Variants in FNDC3B observed in about 807,000 individuals in gnomAD.
FNDC3B encodes the protein fibronectin type III domain containing 3B, also known as fibronectin type III domain-containing protein 3B.
FNDC3B carries 12 observed loss-of-function variants against 151.5 expected under a neutral mutation model. The observed-to-expected ratio is 0.08, with a 90% CI of 0.05 to 0.13. The LOEUF (loss-of-function observed/expected upper bound fraction) is 0.13, where lower values mean the gene tolerates loss of function less well. Ranked by LOEUF, FNDC3B falls within the 10% of genes least tolerant of loss-of-function variation. The pLI is 1.00. For missense variants in FNDC3B, 1,214 were observed against 1,505.3 expected (o/e 0.81, Z 3.20); for synonymous variants, 528 against 549.0 (o/e 0.96, Z 0.54).
At chr3:172,357,586 T>C (rs896651812) in intron 22 of FNDC3B, among the ~76,000 whole-genome samples, 2 of 152,194 alleles carry the variant, frequency 1.3e-5, no homozygotes, top group African/African-American at 2.4e-5. Flanking sequence ...GGAAATTATT[T>C]TCCCATACTG....
At chr3:172,167,969 A>T (rs751515220) in intron 3 of FNDC3B, among the ~76,000 whole-genome samples, 1 of 152,166 alleles carries the variant, frequency 6.6e-6, no homozygotes, top group African/African-American at 2.4e-5. Flanking sequence ...CTGTTGTGAG[A>T]TCATTTCGAG....
In FNDC3B at chr3:172,228,425, T is replaced by C. The variant is rs551562127; in HGVS notation, c.264+1478T>C. 2.6e-5 allele frequency among the ~76,000 whole-genome samples: 4 copies of C among 152,316 alleles called. No individual in the cohort carries two copies. In the East Asian group the frequency reaches 5.8e-4, roughly 22 times the overall value. ...TTATGCTAAAGGTCCATTTAAGAAA[T>C]ACCAGTTAAAAATTGAACATTTCTA... On this transcript the variant is annotated intron_variant, in intron 4 of 25. Coordinates refer to ENST00000415807, the MANE Select transcript of FNDC3B (RefSeq NM_022763.4).
At chr3:172,328,909 T>G in intron 11 of FNDC3B, 43 bp from the exon 12 acceptor site, 3 of 1,476,100 alleles carry the variant, frequency 2.0e-6, no homozygotes, top group Non-Finnish European at 2.7e-6. Context: ...TCTGTTGTTT[T>G]TTTTTTTTTA....
At chr3:172,308,512 T>C (rs1030004802) in intron 10 of FNDC3B, among the ~76,000 whole-genome samples, 2 of 152,236 alleles carry the variant, frequency 1.3e-5, no homozygotes, top group African/African-American at 2.4e-5. Context: ...AGAAATATTT[T>C]ATCTTTTCAT....
At chr3:172,086,837 T>A (rs1224555873) in intron 1 of FNDC3B, among the ~76,000 whole-genome samples, 1 of 152,250 alleles carries the variant, frequency 6.6e-6, no homozygotes, top group African/African-American at 2.4e-5. Flanking sequence ...AACTTCTAGC[T>A]CTTCAACTCA....
chr3:172,266,315 A>G (rs556746024), intron 6 of FNDC3B, among the ~76,000 whole-genome samples: 8 of 152,146 alleles, frequency 5.3e-5, no homozygotes, highest in Non-Finnish European at 1.0e-4. Flanking sequence ...GTGACTAACA[A>G]ATCAGCACAC....
intron 6 of FNDC3B, among the ~76,000 whole-genome samples, chr3:172,267,928 A>C (rs1339284820): frequency 6.6e-6 from 1 of 152,216 alleles, no homozygotes; most frequent in Non-Finnish European, 1.5e-5. Flanking sequence ...GCAGAGTCTA[A>C]TAATTAATTT....
chr3:172,230,338 C>CAAAA (rs35470086), intron 4 of FNDC3B, among the ~76,000 whole-genome samples: 4 of 130,184 alleles, frequency 3.1e-5, no homozygotes, highest in African/African-American at 1.2e-4. Context: ...ACTAAAAATA[C>CAAAA]AAAAAAAAAA....
Position 172,344,123 on chromosome 3 carries a change from G to A in FNDC3B, c.2115G>A (p.Glu705=). ...PASESGCEVS[E]YSVEMTEPED... ...CGGAAAGTGGCTGTGAGGTCTCAGA[G>A]TACAGCGTGGAGATGACGGAGCCCG... Residue 705 remains glutamate (E), a synonymous_variant, in exon 19 of 26, where the codon GAG becomes GAA. Coordinates refer to ENST00000415807, the MANE Select transcript of FNDC3B (RefSeq NM_022763.4). 5 of 1,614,140 alleles carry A rather than the reference G, an allele frequency of 3.1e-6. No homozygotes were observed. The highest frequency in any genetic ancestry group is 4.2e-6 in the Non-Finnish European group (5 of 1,180,014).
chr3:172,387,799 A>G (rs1041356060), intron 25 of FNDC3B, among the ~76,000 whole-genome samples: 2 of 152,192 alleles, frequency 1.3e-5, no homozygotes, highest in Admixed American at 1.3e-4. Context: ...TCAGTACTCT[A>G]AGAGTTTATA....
At chr3:172,288,198 C>T (rs1730124363) in intron 7 of FNDC3B, among the ~76,000 whole-genome samples, 2 of 152,226 alleles carry the variant, frequency 1.3e-5, no homozygotes, top group Non-Finnish European at 2.9e-5. Context: ...TTCTGTTTCT[C>T]ATTATGAATC....
intron 1 of FNDC3B, among the ~76,000 whole-genome samples, chr3:172,066,949 C>A (rs188211879): frequency 6.6e-6 from 1 of 152,288 alleles, no homozygotes; most frequent in Non-Finnish European, 1.5e-5. Context: ...ATATACAATA[C>A]TCTCTTTTTG....
chr3:172,130,034 T>C (rs1369108196), intron 2 of FNDC3B, among the ~76,000 whole-genome samples: 1 of 151,990 alleles, frequency 6.6e-6, no homozygotes, highest in Non-Finnish European at 1.5e-5. Context: ...GCCCAACTTG[T>C]ATGATAGGAA....
chr3:172,051,053 C>T (rs534414673), intron 1 of FNDC3B, among the ~76,000 whole-genome samples: 18 of 151,024 alleles, frequency 1.2e-4, no homozygotes, highest in African/African-American at 4.4e-4. Context: ...CCAGAGCCAT[C>T]ATTTTAGATA....
At chr3:172,382,476 A>T (rs1422776311) in intron 25 of FNDC3B, among the ~76,000 whole-genome samples, 1 of 152,020 alleles carries the variant, frequency 6.6e-6, no homozygotes, top group East Asian at 1.9e-4. Flanking sequence ...GTTTAATTAG[A>T]TCCCATTTGT....
chr3:172,391,823 T>C (rs557296741), intron 25 of FNDC3B, among the ~76,000 whole-genome samples: 2 of 152,292 alleles, frequency 1.3e-5, no homozygotes, highest in African/African-American at 4.8e-5. Context: ...GTCCCAGAAG[T>C]TGCAAATCAT....
chr3:172,190,999 T>C (rs1308841828), intron 3 of FNDC3B, among the ~76,000 whole-genome samples: 8 of 152,226 alleles, frequency 5.3e-5, no homozygotes, highest in Non-Finnish European at 1.2e-4. Flanking sequence ...TGATGAAATA[T>C]TGAAGAAAGA....
chr3:172,244,152 A>C (rs62281803), intron 4 of FNDC3B, among the ~76,000 whole-genome samples: 22,359 of 152,120 alleles, frequency 0.15, 1,760 homozygotes, highest in African/African-American at 0.21. Context: ...TCCCCTTTGA[A>C]TATCCAGTCC....
intron 3 of FNDC3B, among the ~76,000 whole-genome samples, chr3:172,162,386 A>G (rs1722822835): frequency 6.6e-6 from 1 of 152,200 alleles, no homozygotes; most frequent in Non-Finnish European, 1.5e-5. Context: ...TAATCCATTC[A>G]TCAACTGATA....
Sources: allele counts gnomAD v4.1 joint callset (sites outside exome capture counted in the v4.1 genomes callset), GRCh38; gene constraint gnomAD v4.1.1; transcripts MANE v1.5; gene names NCBI Gene and HGNC (gene_info 2026-07-23, HGNC 2026-07-21).